Variants in ADAMTS19 observed in about 807,000 individuals in gnomAD.
ADAMTS19 encodes the protein A disintegrin and metalloproteinase with thrombospondin motifs 19.
A neutral mutation model predicts 153.3 loss-of-function variants in ADAMTS19; 93 were observed. The observed-to-expected ratio is 0.61, with a 90% confidence interval of 0.51 to 0.72. The LOEUF (loss-of-function observed/expected upper bound fraction) is 0.72. ADAMTS19 is among the 30% of genes least tolerant of loss of function. The pLI is 0.00. For synonymous variants in ADAMTS19, 600 were observed against 556.6 expected (o/e 1.08, Z -1.10); for missense variants, 1,482 against 1,552.1 (o/e 0.95, Z 0.76).
chr5:129,620,854 A>T, intron 9 of ADAMTS19, 96 bp downstream of exon 9: 1 of 1,338,924 alleles, frequency 7.5e-7, no homozygotes. Flanking sequence ...TGGAAAGGCC[A>T]CCAGAGTAAA....
At chr5:129,712,413 T>C (rs147096872) in intron 21 of ADAMTS19, among the ~76,000 whole-genome samples, 1 of 152,306 alleles carries the variant, frequency 6.6e-6, no homozygotes, top group Non-Finnish European at 1.5e-5. Flanking sequence ...CAGTAATAAG[T>C]AGGATCCCTT....
intron 16 of ADAMTS19, among the ~76,000 whole-genome samples, chr5:129,665,820 C>A: frequency 6.7e-6 from 1 of 148,952 alleles, no homozygotes; most frequent in Non-Finnish European, 1.5e-5. Flanking sequence ...CATGTTAGTC[C>A]AAGATAAAAA....
At chr5:129,698,501 T>A (rs1755672344) in intron 19 of ADAMTS19, among the ~76,000 whole-genome samples, 1 of 152,188 alleles carries the variant, frequency 6.6e-6, no homozygotes, top group African/African-American at 2.4e-5. Context: ...CTCTTAAAGA[T>A]AAGGAAATGG....
At chr5:129,701,835 T>C (rs1755876387) in intron 20 of ADAMTS19, among the ~76,000 whole-genome samples, 1 of 152,212 alleles carries the variant, frequency 6.6e-6, no homozygotes, top group Non-Finnish European at 1.5e-5. Context: ...CATTTTAAAT[T>C]CTGCATTTTT....
At chr5:129,518,481 G>A (rs2126742839) in intron 3 of ADAMTS19, among the ~76,000 whole-genome samples, 1 of 152,112 alleles carries the variant, frequency 6.6e-6, no homozygotes, top group Non-Finnish European at 1.5e-5. Flanking sequence ...CTATTCAAGG[G>A]GAAATTTTTT....
chr5:129,486,083 G>A (rs1262942583), intron 2 of ADAMTS19, among the ~76,000 whole-genome samples: 8 of 152,072 alleles, frequency 5.3e-5, no homozygotes, highest in African/African-American at 1.9e-4. Flanking sequence ...AAGCCACCGC[G>A]CCTGGCCTAT....
At chr5:129,505,269 G>A (rs1035076078) in intron 2 of ADAMTS19, among the ~76,000 whole-genome samples, 2 of 152,122 alleles carry the variant, frequency 1.3e-5, no homozygotes, top group Non-Finnish European at 2.9e-5. Context: ...GATAATTGTA[G>A]TAGTACTTTG....
At chr5:129,697,335 G>C (rs1755605783) in intron 19 of ADAMTS19, among the ~76,000 whole-genome samples, 1 of 152,122 alleles carries the variant, frequency 6.6e-6, no homozygotes. Flanking sequence ...GCTGAGAGAG[G>C]AGGGTCCATT....
At chr5:129,574,644 T>C (rs1438424339) in intron 7 of ADAMTS19, among the ~76,000 whole-genome samples, 1 of 152,126 alleles carries the variant, frequency 6.6e-6, no homozygotes, top group Non-Finnish European at 1.5e-5. Flanking sequence ...CAGGTCCTTT[T>C]TTAAAAATAA....
intron 6 of ADAMTS19, among the ~76,000 whole-genome samples, chr5:129,538,871 T>C (rs530705775): frequency 6.6e-6 from 1 of 152,242 alleles, no homozygotes; most frequent in South Asian, 2.1e-4. Flanking sequence ...AAATATATTG[T>C]CATATTATAA....
chr5:129,550,763 AT>A (rs918857773), intron 6 of ADAMTS19, among the ~76,000 whole-genome samples: 10 of 151,554 alleles, frequency 6.6e-5, no homozygotes, highest in Middle Eastern at 3.4e-3. Flanking sequence ...CAGAGAGGAA[AT>A]TTTTTTAAAA....
chr5:129,496,406 A>C (rs751191055), intron 2 of ADAMTS19, among the ~76,000 whole-genome samples: 2 of 152,142 alleles, frequency 1.3e-5, no homozygotes, highest in Non-Finnish European at 2.9e-5. Flanking sequence ...TGTTGAATAC[A>C]TTATTGTATT....
At chr5:129,610,545 T>G (rs968730791) in intron 8 of ADAMTS19, among the ~76,000 whole-genome samples, 4 of 152,062 alleles carry the variant, frequency 2.6e-5, no homozygotes, top group South Asian at 4.1e-4. Context: ...TGGTGTTTGG[T>G]TTTTTGTCCT....
At chr5:129,642,814 CAT>C (rs539465402) in intron 11 of ADAMTS19, among the ~76,000 whole-genome samples, 40 of 150,694 alleles carry the variant, frequency 2.7e-4, no homozygotes, top group Middle Eastern at 6.8e-3. Context: ...ATTTTAAAAA[CAT>C]ATCGATTTGA....
chr5:129,548,228 G>A (rs1273315733), intron 6 of ADAMTS19, among the ~76,000 whole-genome samples: 1 of 149,512 alleles, frequency 6.7e-6, no homozygotes, highest in Non-Finnish European at 1.5e-5. Context: ...TACCATCAGA[G>A]TGAACAGGCA....
chr5:129,617,866 A>G lies in ADAMTS19; in HGVS notation c.1479-2752A>G, dbSNP rs551045490. On this transcript the variant is annotated intron_variant, in intron 8 of 22. Coordinates refer to ENST00000274487, the MANE Select transcript of ADAMTS19 (RefSeq NM_133638.6). Reference sequence around the variant, plus strand: ...CAAAATACAGCAAAGTGAATTTAATATAATTAATGATAAATCTGTTTATGT... The same window carrying G: ...CAAAATACAGCAAAGTGAATTTAATGTAATTAATGATAAATCTGTTTATGT... Among the ~76,000 whole-genome samples the G allele has an allele frequency of 2.8e-4, 43 of 152,234 alleles. No homozygotes were observed. The South Asian group carries it at 4.8e-3, about 17-fold the overall frequency.
At chr5:129,515,953 A>C (rs1200404006) in intron 3 of ADAMTS19, among the ~76,000 whole-genome samples, 1 of 151,880 alleles carries the variant, frequency 6.6e-6, no homozygotes, top group South Asian at 2.1e-4. Flanking sequence ...ATGTTGATGT[A>C]TGTTCCTTCT....
intron 10 of ADAMTS19, among the ~76,000 whole-genome samples, chr5:129,626,440 T>C (rs754640382): frequency 1.6e-4 from 24 of 152,248 alleles, no homozygotes; most frequent in Admixed American, 7.2e-4. Flanking sequence ...GAAAATATGA[T>C]TGTTTATTTA....
intron 19 of ADAMTS19, among the ~76,000 whole-genome samples, chr5:129,699,408 G>A: frequency 7.1e-6 from 1 of 140,524 alleles, no homozygotes; most frequent in East Asian, 2.1e-4. Context: ...GGGCAACACA[G>A]TGAGACTTCA....
Sources: allele counts gnomAD v4.1 joint callset (sites outside exome capture counted in the v4.1 genomes callset), GRCh38; gene constraint gnomAD v4.1.1; transcripts MANE v1.5; gene names NCBI Gene and HGNC (gene_info 2026-07-23, HGNC 2026-07-21).